The following TFDP1 variants were observed in gnomAD, a reference collection of about 807,000 sequenced individuals.
TFDP1 encodes DRTF1-polypeptide 1.
In TFDP1, 6 loss-of-function variants were observed where a neutral mutation model predicts 48.0. The observed-to-expected ratio is 0.13, with a 90% CI of 0.07 to 0.25. The LOEUF is 0.25. Ranked by LOEUF, TFDP1 falls within the 10% of genes least tolerant of loss-of-function variation. The pLI is 1.00. For missense variants in TFDP1, 335 were observed against 543.0 expected (o/e 0.62, Z 3.81); for synonymous variants, 201 against 211.6 (o/e 0.95, Z 0.44).
chr13:113,595,599 A>G (rs543683764), intron 2 of TFDP1, among the ~76,000 whole-genome samples: 2 of 152,350 alleles, frequency 1.3e-5, no homozygotes, highest in East Asian at 3.9e-4. Context: ...AGTGGTTTCC[A>G]GTTAAATCTT....
intron 2 of TFDP1, among the ~76,000 whole-genome samples, chr13:113,599,201 G>A (rs1228727997): frequency 6.6e-6 from 1 of 151,864 alleles, no homozygotes; most frequent in African/African-American, 2.4e-5. Context: ...AATATAAGCA[G>A]AGATAATTCT....
chr13:113,591,026 A>AG (rs1555350056), intron 2 of TFDP1, among the ~76,000 whole-genome samples: 3,161 of 145,532 alleles, frequency 0.022, 162 homozygotes, highest in East Asian at 0.1. Flanking sequence ...AAAAAAAAAA[A>AG]AAAAGAAAAA....
Position 113,600,037 on chromosome 13 carries a change from C to T in TFDP1, c.13-10959C>T, listed in dbSNP as rs181559036. ...ATCCTTGTATGTAGGGCTCCAGAAC[C>T]GTGAGAGAGAACCCAGGACTGTGAG... On this transcript the variant is annotated intron_variant, in intron 2 of 11. Coordinates refer to ENST00000375370, the MANE Select transcript of TFDP1 (RefSeq NM_007111.5). Among the ~76,000 whole-genome samples the T allele has an allele frequency of 2.8e-4, 42 of 150,144 alleles. No individual in the cohort carries two copies. The East Asian group carries it at 7.9e-3, about 28-fold the overall frequency.
rs4150750 is a variant in TFDP1, at chr13:113,617,154, A to G, written c.80-6026A>G. Among the ~76,000 whole-genome samples the G allele has an allele frequency of 5.8e-3, 879 of 152,266 alleles. 12 individuals are homozygous for G. The highest frequency in any genetic ancestry group is 0.02 in the African/African-American group (831 of 41,550). ...GAGGCCCAGCCACGTCAGGCACAGT[A>G]GGTGTGTGATTTGTGCAACGGAGGC... On this transcript the variant is annotated intron_variant, in intron 3 of 11. Transcript: ENST00000375370.
chr13:113,624,107 G>A (rs2049060547), intron 4 of TFDP1, among the ~76,000 whole-genome samples: 1 of 152,020 alleles, frequency 6.6e-6, no homozygotes, highest in African/African-American at 2.4e-5. Context: ...TGATGCTGTG[G>A]CCCCGCCTGG....
chr13:113,619,181 CAAG>C (rs1420317077), intron 3 of TFDP1, among the ~76,000 whole-genome samples: 2 of 152,170 alleles, frequency 1.3e-5, no homozygotes, highest in Non-Finnish European at 2.9e-5. Flanking sequence ...TGAATAGAAA[CAAG>C]AAGCCCGGCT....
chr13:113,634,094 C>A, intron 7 of TFDP1, 61 bp downstream of exon 7: 1 of 1,610,626 alleles, frequency 6.2e-7, no homozygotes, highest in South Asian at 1.1e-5. Flanking sequence ...ATGTTTTAGT[C>A]GTCGGTCACT....
Position 113,634,592 on chromosome 13 carries a change from T to G in TFDP1, c.677T>G (p.Leu226Arg). Residue 226 changes from leucine (L) to arginine (R), a missense_variant, in exon 8 of 12, where the codon CTT (leucine) becomes CGT (arginine). Leu to Arg is a moderately radical substitution (Grantham distance 102). Transcript: ENST00000375370. The part of the protein sequence containing the change: ...IKQKQSQLQE[L>R]ILQQIAFKNL... ...CAGAAACAGTCTCAACTTCAAGAAC[T>G]TATTCTACAGGTAAGAGAATACGTA... The G allele has an allele frequency of 6.2e-7, 1 of 1,612,082 alleles. No individual in the cohort carries two copies. Among genetic ancestry groups the G allele is most frequent in the Non-Finnish European group, 8.5e-7 (1 of 1,178,956 alleles).
rs575085020 is a variant in TFDP1 at position 113,638,009 on chromosome 13, C to T, written c.1085+113C>T. On this transcript the variant is annotated intron_variant, in intron 11 of 11. Transcript: ENST00000375370. The stretch of plus-strand genomic sequence containing the variant: ...GCCATCAGGTCTGTGGCTGCTCTGA[C>T]GTGGCTTGTCTGTCCAGGCAGTGGG... 3.5e-5 allele frequency: 49 copies of T among 1,405,254 alleles called. No individual in the cohort carries two copies. The South Asian group carries it at 4.3e-4, about 12-fold the overall frequency. 87.0% of individuals were successfully genotyped at this position (1,405,254 alleles called of 1,614,324 possible).
intron 4 of TFDP1, among the ~76,000 whole-genome samples, chr13:113,626,858 C>T (rs1194920275): frequency 6.6e-6 from 1 of 152,192 alleles, no homozygotes; most frequent in Non-Finnish European, 1.5e-5. Context: ...TGCTGTGTGT[C>T]ATAGCAGAGT....
intron 2 of TFDP1, among the ~76,000 whole-genome samples, chr13:113,609,610 G>C (rs914747657): frequency 1.3e-5 from 2 of 151,934 alleles, no homozygotes; most frequent in Admixed American, 1.3e-4. Context: ...TGCCTCCCCT[G>C]TGTCCCCTGA....
At position 113,633,907 on chromosome 13, in the gene TFDP1, C is replaced by T. The variant is rs1402967499; in HGVS notation, c.492C>T (p.Asn164=). 2 of 1,613,122 alleles carry T rather than the reference C, an allele frequency of 1.2e-6. No homozygotes were observed. Among genetic ancestry groups the T allele is most frequent in the Admixed American group, 3.3e-5 (2 of 59,972 alleles). Residue 164 remains asparagine, a synonymous_variant, in exon 7 of 12, where the codon AAC becomes AAT. Transcript: ENST00000375370. The surrounding 1 kb of genome is among the most constrained non-coding windows in gnomAD (Gnocchi z 4.5). ...LPNESAYDQK[N]IRRRVYDALN... ...ATCCCCAGGCTTATGACCAGAAAAA[C>T]ATAAGACGGCGCGTCTACGATGCCT... is the stretch of plus-strand genomic sequence containing the variant.
chr13:113,619,565 G>C (rs548618656), intron 3 of TFDP1, among the ~76,000 whole-genome samples: 2 of 151,920 alleles, frequency 1.3e-5, no homozygotes, highest in African/African-American at 4.8e-5. Context: ...CAGCCTGTAC[G>C]TCTGGGTGTG....
At chr13:113,585,250 C>T (rs979249249) in intron 1 of TFDP1, 1 of 149,808 alleles carries the variant, frequency 6.7e-6, no homozygotes, top group African/African-American at 2.4e-5. Flanking sequence ...GGACCCGGTT[C>T]CGGCGCGCGC....
chr13:113,601,175 G>A (rs1452237620), intron 2 of TFDP1, among the ~76,000 whole-genome samples: 8 of 152,128 alleles, frequency 5.3e-5, no homozygotes, highest in Non-Finnish European at 1.0e-4. Flanking sequence ...TGGGCCTGGC[G>A]GTCACCCAGC....
chr13:113,590,002 A>C (rs888798805), intron 2 of TFDP1, among the ~76,000 whole-genome samples: 1 of 152,244 alleles, frequency 6.6e-6, no homozygotes, highest in African/African-American at 2.4e-5. Flanking sequence ...CAAACATTAC[A>C]GGGATGCTTT....
chr13:113,589,204 T>C (rs1000212320), intron 2 of TFDP1, among the ~76,000 whole-genome samples: 2 of 152,216 alleles, frequency 1.3e-5, no homozygotes, highest in Admixed American at 6.5e-5. Flanking sequence ...ATTGCACTTA[T>C]TTGAATTAAA....
chr13:113,622,291 A>G (rs1031159869), intron 3 of TFDP1, among the ~76,000 whole-genome samples: 3 of 150,734 alleles, frequency 2.0e-5, no homozygotes, highest in South Asian at 2.1e-4. Flanking sequence ...TTACTTCTAC[A>G]CTCTCTCGTC....
chr13:113,635,779 C>T (rs2049469741), intron 8 of TFDP1, among the ~76,000 whole-genome samples, 198 bp from the exon 9 acceptor site: 1 of 152,156 alleles, frequency 6.6e-6, no homozygotes, highest in East Asian at 1.9e-4. Context: ...TTAGTTCTCC[C>T]CTCAGGATCC....
Sources: gnomAD v4.1 joint callset for allele counts (sites outside exome capture counted in the v4.1 genomes callset) on GRCh38, gnomAD v4.1.1 for gene constraint, Gnocchi (gnomAD v3.1) non-coding constraint, MANE v1.5 for transcripts, NCBI Gene and HGNC (gene_info 2026-07-23, HGNC 2026-07-21) for gene names.